TAB2: variants seen among roughly 807,000 people sequenced by gnomAD.
TAB2 encodes TGF-beta activated kinase 1 (MAP3K7) binding protein 2.
Under a neutral mutation model 65.0 loss-of-function variants are expected in TAB2, and 3 were observed. That is an observed-to-expected ratio of 0.05 (90% confidence interval 0.02 to 0.12). The LOEUF (loss-of-function observed/expected upper bound fraction) is 0.12, where lower values mean the gene tolerates loss of function less well. TAB2 is among the 10% of genes least tolerant of loss of function. The pLI, the probability that TAB2 is intolerant of heterozygous loss-of-function variation, is 1.00. For synonymous variants in TAB2, 298 were observed against 285.1 expected (o/e 1.05, Z -0.46); for missense variants, 623 against 840.3 (o/e 0.74, Z 3.20).
chr6:149,377,007 G>A (rs1026422110), intron 2 of TAB2, among the ~76,000 whole-genome samples: 64 of 151,442 alleles, frequency 4.2e-4, no homozygotes, highest in Admixed American at 2.4e-3. Flanking sequence ...TTAAGAGGAA[G>A]CGTGTGAAGG....
intron 1 of TAB2, among the ~76,000 whole-genome samples, chr6:149,228,071 A>G (rs1777321858): frequency 6.6e-6 from 1 of 152,136 alleles, no homozygotes; most frequent in Non-Finnish European, 1.5e-5. Flanking sequence ...TATCTGATCA[A>G]CACTGCCTCA....
intron 3 of TAB2, among the ~76,000 whole-genome samples, chr6:149,384,881 A>G (rs1230544353): frequency 6.6e-6 from 1 of 152,120 alleles, no homozygotes; most frequent in Non-Finnish European, 1.5e-5. Flanking sequence ...AAAAACTAAC[A>G]TTGCTGCCAA....
At chr6:149,282,175 AT>A (rs1437102242) in intron 1 of TAB2, among the ~76,000 whole-genome samples, 1 of 151,428 alleles carries the variant, frequency 6.6e-6, no homozygotes, top group Non-Finnish European at 1.5e-5. Flanking sequence ...AAAAAAAAAA[AT>A]GTCATTTTAT....
intron 6 of TAB2, chr6:149,400,671 G>A (rs145654400): frequency 1.9e-6 from 3 of 1,613,726 alleles, no homozygotes; most frequent in African/African-American, 2.7e-5. Context: ...TACGGGAGGT[G>A]TCTACTGAAA....
chr6:149,286,553 G>T (rs1007317703), intron 1 of TAB2, among the ~76,000 whole-genome samples: 1 of 152,274 alleles, frequency 6.6e-6, no homozygotes, highest in South Asian at 2.1e-4. Flanking sequence ...ACCCCTAAAA[G>T]CTTTCAGATG....
rs751356871 is a variant in TAB2, at chr6:149,326,340, A to G, written c.-90+8325A>G. Among the ~76,000 whole-genome samples the G allele has an allele frequency of 9.9e-5, 15 of 151,998 alleles. No homozygotes were observed. The South Asian group carries it at 1.5e-3, about 15-fold the overall frequency. ...TTTATTAAGTTCATAGGCTTAGCAC[A>G]TTCTGTAGTGTATATACATGAAATC... On this transcript the variant is annotated intron_variant, in intron 1 of 6. Coordinates refer to ENST00000637181, the MANE Select transcript of TAB2 (RefSeq NM_001292034.3).
intron 1 of TAB2, among the ~76,000 whole-genome samples, chr6:149,248,248 C>T (rs1394084635): frequency 4.6e-5 from 7 of 151,850 alleles, no homozygotes; most frequent in Admixed American, 1.3e-4. Context: ...AAAAATTAGC[C>T]GGGCGTGGTG....
chr6:149,317,482 C>G (rs1225727729), upstream of TAB2: 1 of 163,676 alleles, frequency 6.1e-6, no homozygotes, highest in Non-Finnish European at 1.3e-5. This position sits in a 1 kb window ranked among gnomAD's most constrained non-coding sequence, Gnocchi z 4.7. Context: ...TCGTCACAGC[C>G]GCCGCCTCAG....
At chr6:149,371,065 CAAAAAAAAAA>C (rs33926884) in intron 2 of TAB2, among the ~76,000 whole-genome samples, 2 of 71,982 alleles carry the variant, frequency 2.8e-5, no homozygotes, top group Non-Finnish European at 4.9e-5. Flanking sequence ...GACCCTATCT[CAAAAAAAAAA>C]AAAAAAAAAA....
intron 2 of TAB2, among the ~76,000 whole-genome samples, chr6:149,373,148 C>T (rs1781285119): frequency 6.6e-6 from 1 of 152,124 alleles, no homozygotes; most frequent in South Asian, 2.1e-4. Flanking sequence ...TTATAACCAG[C>T]AGGTGTAATT....
intron 1 of TAB2, among the ~76,000 whole-genome samples, chr6:149,308,978 A>C (rs1779119458): frequency 6.6e-6 from 1 of 152,038 alleles, no homozygotes; most frequent in South Asian, 2.1e-4. Flanking sequence ...CACCGTATAC[A>C]TAGCCAGCCT....
chr6:149,379,020 A>G lies in TAB2; in HGVS notation c.1105A>G (p.Ile369Val), dbSNP rs1226594569. ...AAACAGAAATCAGCCCACTGTTTAC[A>G]TAGCTGCCAGCCCCCCAAATACGGA... ...TLNRNQPTVYIAASPPNTDEL... is the reference protein window; with the variant it reads ...TLNRNQPTVYVAASPPNTDEL... Residue 369 changes from isoleucine (I) to valine (V), a missense_variant, in exon 3 of 7, where the codon ATA becomes GTA. Physicochemically the swap from Ile to Val is conservative, Grantham distance 29. Around this residue, in one of 3 missense-constraint regions of TAB2, gnomAD observed 550 missense variants for 665.7 expected, o/e 0.83. Coordinates refer to ENST00000637181, the MANE Select transcript of TAB2 (RefSeq NM_001292034.3). The G allele has an allele frequency of 1.2e-6, 2 of 1,614,216 alleles. No homozygotes were observed. Among genetic ancestry groups the G allele is most frequent in the Admixed American group, 1.7e-5 (1 of 60,024 alleles).
intron 3 of TAB2, among the ~76,000 whole-genome samples, chr6:149,386,594 T>C (rs1274839866): frequency 6.6e-6 from 1 of 152,248 alleles, no homozygotes; most frequent in East Asian, 1.9e-4. Context: ...GTTCTTTCCT[T>C]TTTATGGCCA....
intron 1 of TAB2, among the ~76,000 whole-genome samples, chr6:149,338,173 T>C (rs1779991495): frequency 2.0e-5 from 3 of 152,198 alleles, no homozygotes; most frequent in South Asian, 4.1e-4. Context: ...TAGACACTAG[T>C]ATCTCTGCAG....
intron 1 of TAB2, chr6:149,245,059 G>C (rs918101531): frequency 6.6e-6 from 1 of 152,206 alleles, no homozygotes; most frequent in African/African-American, 2.4e-5. Context: ...CCTTGGGGCT[G>C]AGCTGGAGTT....
intron 2 of TAB2, among the ~76,000 whole-genome samples, chr6:149,374,631 C>T (rs969037275): frequency 1.3e-5 from 2 of 152,208 alleles, no homozygotes; most frequent in Non-Finnish European, 2.9e-5. Flanking sequence ...TTGGATCAAG[C>T]TGACAACATC....
At chr6:149,345,231 A>G (rs1780255324) in intron 1 of TAB2, among the ~76,000 whole-genome samples, 1 of 152,180 alleles carries the variant, frequency 6.6e-6, no homozygotes, top group African/African-American at 2.4e-5. Context: ...ATTACAAATT[A>G]TGACACTAAG....
chr6:149,279,310 C>T (rs973580832), intron 1 of TAB2, among the ~76,000 whole-genome samples: 1 of 152,198 alleles, frequency 6.6e-6, no homozygotes, highest in African/African-American at 2.4e-5. Context: ...CCAGCATCTC[C>T]ATTTCTCTGG....
intron 1 of TAB2, among the ~76,000 whole-genome samples, chr6:149,363,007 A>G (rs912119145): frequency 9.2e-5 from 14 of 152,194 alleles, no homozygotes; most frequent in African/African-American, 3.1e-4. Flanking sequence ...AATATTCTAC[A>G]GTTTTTTAAA....
Sources: gnomAD v4.1 joint callset for allele counts (sites outside exome capture counted in the v4.1 genomes callset) on GRCh38, gnomAD v4.1.1 for gene constraint, gnomAD v4.1.1 regional missense constraint, Gnocchi (gnomAD v3.1) non-coding constraint, MANE v1.5 for transcripts, NCBI Gene and HGNC (gene_info 2026-07-23, HGNC 2026-07-21) for gene names.